FTCDNL1: variants seen among roughly 807,000 people sequenced by gnomAD.
The protein encoded by FTCDNL1 is formiminotransferase cyclodeaminase N-terminal like.
Under a neutral mutation model 5.9 loss-of-function variants are expected in FTCDNL1, and 11 were observed. The observed-to-expected ratio is 1.87, with a 90% CI of 1.18 to 3.10. The LOEUF (loss-of-function observed/expected upper bound fraction) is 3.10. FTCDNL1 is among the 30% of genes most tolerant of loss of function. FTCDNL1 has a pLI of 0.00. For missense variants in FTCDNL1, 115 were observed against 65.5 expected (o/e 1.76, Z -2.61); for synonymous variants, 58 against 24.8 (o/e 2.34, Z -3.99).
chr2:199,713,316 T>G, the FTCDNL1 span, among the ~76,000 whole-genome samples: 1 of 151,830 alleles, frequency 6.6e-6, no homozygotes, highest in Admixed American at 6.6e-5. Context: ...AATGAAACAT[T>G]TTTTTTTGAA....
chr2:199,834,011 A>G (rs1407002364), intron 3 of FTCDNL1, among the ~76,000 whole-genome samples: 1 of 152,190 alleles, frequency 6.6e-6, no homozygotes, highest in Non-Finnish European at 1.5e-5. Context: ...CCAAAAATGC[A>G]TATGTTGAAG....
chr2:199,805,953 G>A (rs550505659), downstream of FTCDNL1, among the ~76,000 whole-genome samples: 8 of 151,722 alleles, frequency 5.3e-5, no homozygotes, highest in South Asian at 2.1e-4. Context: ...GGATGAATGC[G>A]GAGCTGAGAG....
the FTCDNL1 span, among the ~76,000 whole-genome samples, chr2:199,721,137 T>C: frequency 6.6e-6 from 1 of 152,204 alleles, no homozygotes. Flanking sequence ...TTTATTTAAG[T>C]TCCAGGGTAC....
the FTCDNL1 span, among the ~76,000 whole-genome samples, chr2:199,745,955 T>C: frequency 6.6e-6 from 1 of 152,218 alleles, no homozygotes; most frequent in African/African-American, 2.4e-5. Context: ...AAAGCCAACT[T>C]ATACTTAAGT....
chr2:199,691,555 A>G, the FTCDNL1 span, among the ~76,000 whole-genome samples: 1 of 152,238 alleles, frequency 6.6e-6, no homozygotes, highest in Non-Finnish European at 1.5e-5. Context: ...CAATATTACA[A>G]TGGTAAAGTA....
chr2:199,762,872 T>G (rs545673641), intron 3 of FTCDNL1, among the ~76,000 whole-genome samples: 2 of 152,326 alleles, frequency 1.3e-5, no homozygotes, highest in South Asian at 4.1e-4. Flanking sequence ...TCCTGAAAAC[T>G]GCAAGGACAA....
At chr2:199,734,481 T>A in the FTCDNL1 span, among the ~76,000 whole-genome samples, 16 of 152,360 alleles carry the variant, frequency 1.1e-4, no homozygotes, top group Non-Finnish European at 1.9e-4. Context: ...TTGGAGATTA[T>A]CAAAATTATC....
At chr2:199,768,849 A>G (rs1470092551) in intron 3 of FTCDNL1, among the ~76,000 whole-genome samples, 1 of 152,162 alleles carries the variant, frequency 6.6e-6, no homozygotes, top group African/African-American at 2.4e-5. Context: ...GGTAAGAATG[A>G]GAAGAGAGGA....
intron 3 of FTCDNL1, among the ~76,000 whole-genome samples, chr2:199,782,796 A>G (rs558457942): frequency 6.6e-6 from 1 of 152,338 alleles, no homozygotes; most frequent in South Asian, 2.1e-4. Context: ...TCATTGTTTC[A>G]TAACTGTATA....
the FTCDNL1 span, among the ~76,000 whole-genome samples, chr2:199,750,910 GC>G: frequency 2.0e-5 from 3 of 152,172 alleles, no homozygotes; most frequent in African/African-American, 7.2e-5. Flanking sequence ...TATTATAATT[GC>G]TACAGCTAAG....
At chr2:199,700,512 A>G in the FTCDNL1 span, among the ~76,000 whole-genome samples, 1 of 152,206 alleles carries the variant, frequency 6.6e-6, no homozygotes, top group East Asian at 1.9e-4. Context: ...TCAAACTGCC[A>G]ACAACATTTT....
the FTCDNL1 span, among the ~76,000 whole-genome samples, chr2:199,717,336 C>A: frequency 6.6e-6 from 1 of 151,996 alleles, no homozygotes; most frequent in Non-Finnish European, 1.5e-5. Flanking sequence ...TTACTTTGTA[C>A]ATTGGTTCAG....
chr2:199,829,470 G>A (rs1328133006), intron 3 of FTCDNL1, among the ~76,000 whole-genome samples: 1 of 152,150 alleles, frequency 6.6e-6, no homozygotes, highest in African/African-American at 2.4e-5. Context: ...GAGAATCGAT[G>A]CAATTAGATG....
At chr2:199,836,563 T>C (rs1702757302) in intron 3 of FTCDNL1, among the ~76,000 whole-genome samples, 1 of 151,154 alleles carries the variant, frequency 6.6e-6, no homozygotes. Flanking sequence ...AGCCTAGGAG[T>C]TTGAAACCAG....
At chr2:199,757,898 G>T (rs1026270327), downstream of FTCDNL1, among the ~76,000 whole-genome samples, 7 of 152,118 alleles carry the variant, frequency 4.6e-5, no homozygotes, top group African/African-American at 1.4e-4. Context: ...ATTCCTTTTT[G>T]ACAAAATGGA....
At chr2:199,758,217 G>T (rs1475514468), downstream of FTCDNL1, among the ~76,000 whole-genome samples, 2 of 151,090 alleles carry the variant, frequency 1.3e-5, no homozygotes, top group African/African-American at 4.8e-5. Context: ...AGAGGAAAGA[G>T]AACTGGAAAA....
the FTCDNL1 span, among the ~76,000 whole-genome samples, chr2:199,703,941 C>T: frequency 2.6e-5 from 4 of 152,118 alleles, no homozygotes; most frequent in South Asian, 4.1e-4. Context: ...TGAAGGTCTA[C>T]GGAGTAGGCT....
At chr2:199,756,569 C>A (rs985161772), downstream of FTCDNL1, among the ~76,000 whole-genome samples, 2 of 152,198 alleles carry the variant, frequency 1.3e-5, no homozygotes, top group Non-Finnish European at 2.9e-5. Context: ...AGCAGGCAAG[C>A]AGCACTGCCT....
chr2:199,726,322 G>C, the FTCDNL1 span, among the ~76,000 whole-genome samples: 1 of 151,952 alleles, frequency 6.6e-6, no homozygotes, highest in African/African-American at 2.4e-5. Context: ...TCTTTGCATT[G>C]GGTTAGAATA....
Sources: allele counts gnomAD v4.1 joint callset (sites outside exome capture counted in the v4.1 genomes callset), GRCh38; gene constraint gnomAD v4.1.1; transcripts MANE v1.5; gene names NCBI Gene and HGNC (gene_info 2026-07-23, HGNC 2026-07-21).